The following PCDHGC3 variants were observed in gnomAD, a reference collection of about 807,000 sequenced individuals.
The protein encoded by PCDHGC3 is protocadherin gamma subfamily C, 3.
PCDHGC3 carries 26 observed loss-of-function variants against 59.2 expected under a neutral mutation model. That is an observed-to-expected ratio of 0.44 (90% CI 0.32 to 0.61). The LOEUF (loss-of-function observed/expected upper bound fraction) is 0.61, where lower values mean the gene tolerates loss of function less well. PCDHGC3 is among the 20% of genes least tolerant of loss of function. The probability of loss-of-function intolerance (pLI) is 0.05; values close to 1 mark genes in which losing one functional copy is unlikely to be tolerated. For synonymous variants in PCDHGC3, 487 were observed against 519.7 expected (o/e 0.94, Z 0.86); for missense variants, 1,080 against 1,221.8 (o/e 0.88, Z 1.73).
chr5:141,499,402 A>G (rs2099791723), intron 2 of PCDHGC3, among the ~76,000 whole-genome samples: 2 of 152,212 alleles, frequency 1.3e-5, no homozygotes, highest in South Asian at 4.1e-4. Context: ...GTACATGCTC[A>G]TTATAGAAAC....
rs760878091 is a variant in PCDHGC3 at position 141,476,406 on chromosome 5, T to A, written c.290T>A (p.Leu97Gln). The A allele has an allele frequency of 6.2e-7, 1 of 1,614,054 alleles. No individual in the cohort carries two copies. The highest frequency in any genetic ancestry group is 8.5e-7 in the Non-Finnish European group (1 of 1,180,002). Residue 97 changes from leucine (L) to glutamine (Q), a missense_variant, in exon 1 of 4, where the codon CTG becomes CAG. By Grantham distance (113) the Leu-to-Gln change is moderately radical (BLOSUM62 -2). Transcript: ENST00000308177. The surrounding 1 kb of genome is among the most constrained non-coding windows in gnomAD (Gnocchi z 7.6). Reference sequence around the variant, plus strand: ...AACGACCGTCTGGATCGAGAGGAGCTGTGTGGGACACTGCCCTCTTGCACT... The same window carrying A: ...AACGACCGTCTGGATCGAGAGGAGCAGTGTGGGACACTGCCCTCTTGCACT... ...FVNDRLDREE[L>Q]CGTLPSCTVT...
At position 141,476,513 on chromosome 5, in the gene PCDHGC3, C is replaced by T; in HGVS notation, c.397C>T (p.Pro133Ser). 1 of 1,614,196 alleles carries T rather than the reference C, an allele frequency of 6.2e-7. No individual in the cohort carries two copies. Among genetic ancestry groups the T allele is most frequent in the Non-Finnish European group, 8.5e-7 (1 of 1,180,034 alleles). Residue 133 changes from proline to serine, a missense_variant, in exon 1 of 4, where the codon CCT becomes TCT. Coordinates refer to ENST00000308177, the MANE Select transcript of PCDHGC3 (RefSeq NM_002588.4). The surrounding 1 kb of genome is among the most constrained non-coding windows in gnomAD (Gnocchi z 7.6). ...GATCCAGGACATCAACGACAACAAT[C>T]CTGCTTTCCCTACCCAGGAAATGAA... ...VVIQDINDNN[P>S]AFPTQEMKLE...
chr5:141,506,435 G>T (rs1470687416), intron 3 of PCDHGC3, among the ~76,000 whole-genome samples: 1 of 126,234 alleles, frequency 7.9e-6, no homozygotes, highest in Non-Finnish European at 1.6e-5. Context: ...CAACAGTCTC[G>T]CTCTGTCTCA....
At position 141,489,077 on chromosome 5, in the gene PCDHGC3, C is replaced by T. The variant is rs957205894; in HGVS notation, c.2431-5730C>T. 7 of 325,682 alleles carry T rather than the reference C, an allele frequency of 2.1e-5. 1 individual carries two copies. Among genetic ancestry groups the T allele is most frequent in the South Asian group, 1.5e-4 (3 of 20,214 alleles). 20.2% of individuals were successfully genotyped at this position (325,682 alleles called of 1,614,324 possible). The stretch of plus-strand genomic sequence containing the variant: ...AGCTCCCCTCCCCCCTGCCCACCCC[C>T]GCCACTCGGTGACTAAGAACTGCTG... On this transcript the variant is annotated intron_variant, in intron 1 of 3. Transcript: ENST00000308177. This position sits in a 1 kb window ranked among gnomAD's most constrained non-coding sequence, Gnocchi z 4.5.
chr5:141,511,049 G>A lies in PCDHGC3; in HGVS notation c.2681G>A (p.Arg894His), dbSNP rs61749029. 408 of 1,614,098 alleles carry A rather than the reference G, an allele frequency of 2.5e-4. No individual in the cohort carries two copies. Among genetic ancestry groups the A allele is most frequent in the South Asian group, 7.2e-4 (66 of 91,094 alleles). Residue 894 changes from arginine (R) to histidine (H), a missense_variant, in exon 4 of 4, where the codon CGC becomes CAC. Transcript: ENST00000308177. ...QFTLQHVPDY[R>H]QNVYIPGSNA... ...ACCCTGCAGCACGTGCCCGACTACC[G>A]CCAGAATGTCTACATCCCAGGCAGC...
Position 141,486,335 on chromosome 5 carries a change from C to T in PCDHGC3, c.2430+7789C>T, listed in dbSNP as rs762408704. ...AGGGTCAAACGGAGATGTGAGCCTC[C>T]GCATTCCTGACCACTTGCCATTTGC... On this transcript the variant is annotated intron_variant, in intron 1 of 3. Transcript: ENST00000308177. The surrounding 1 kb of genome is among the most constrained non-coding windows in gnomAD (Gnocchi z 5.0). 6.2e-6 allele frequency: 10 copies of T among 1,613,936 alleles called. No individual in the cohort carries two copies. Among genetic ancestry groups the T allele is most frequent in the Middle Eastern group, 1.6e-4 (1 of 6,082 alleles).
rs781550738 is a variant in PCDHGC3 at position 141,487,383 on chromosome 5, C to A, written c.2431-7424C>A. On this transcript the variant is annotated intron_variant, in intron 1 of 3. Transcript: ENST00000308177. This position sits in a 1 kb window ranked among gnomAD's most constrained non-coding sequence, Gnocchi z 5.0. Reference sequence around the variant, plus strand: ...GGCACCTGTGCCTGTCTCACCAGATCTCGAAGGAGGGAGGGGCTTCCCCCT... The same window carrying A: ...GGCACCTGTGCCTGTCTCACCAGATATCGAAGGAGGGAGGGGCTTCCCCCT... The A allele has an allele frequency of 3.7e-6, 6 of 1,614,196 alleles. No individual in the cohort carries two copies. The South Asian group carries it at 6.6e-5, about 18-fold the overall frequency.
chr5:141,498,294 G>A (rs2099782964), intron 2 of PCDHGC3, among the ~76,000 whole-genome samples: 1 of 151,910 alleles, frequency 6.6e-6, no homozygotes, highest in African/African-American at 2.4e-5. Flanking sequence ...GATCAAGCCA[G>A]CTCTGGGTCA....
rs762574320 is a variant in PCDHGC3, at chr5:141,485,926, G to A, written c.2430+7380G>A. The A allele has an allele frequency of 2.0e-5, 32 of 1,614,090 alleles. No individual in the cohort carries two copies. Among genetic ancestry groups the A allele is most frequent in the Admixed American group, 1.2e-4 (7 of 60,006 alleles). ...AGCAATCCAGCTACAGGATTAGTGT[G>A]TTGGAGAGCGCACCAGCGGGCATGG... On this transcript the variant is annotated intron_variant, in intron 1 of 3. Transcript: ENST00000308177. The surrounding 1 kb of genome is among the most constrained non-coding windows in gnomAD (Gnocchi z 5.7).
At position 141,493,887 on chromosome 5, in the gene PCDHGC3, G is replaced by C. The variant is rs760575047; in HGVS notation, c.2431-920G>C. On this transcript the variant is annotated intron_variant, in intron 1 of 3. Transcript: ENST00000308177. This position sits in a 1 kb window ranked among gnomAD's most constrained non-coding sequence, Gnocchi z 4.3. Reference sequence around the variant, plus strand: ...AGAACCAGTGAGGAGGTGGCTCTAGGAGTGCTCCATGAGAGTGTGTGATGG... The same window carrying C: ...AGAACCAGTGAGGAGGTGGCTCTAGCAGTGCTCCATGAGAGTGTGTGATGG... Among the ~76,000 whole-genome samples, 11 of 152,184 alleles carry C rather than the reference G, an allele frequency of 7.2e-5. No homozygotes were observed. Among genetic ancestry groups the C allele is most frequent in the Non-Finnish European group, 1.2e-4 (8 of 68,026 alleles).
chr5:141,486,091 G>A lies in PCDHGC3; in HGVS notation c.2430+7545G>A, dbSNP rs2099624256. On this transcript the variant is annotated intron_variant, in intron 1 of 3. Coordinates refer to ENST00000308177, the MANE Select transcript of PCDHGC3 (RefSeq NM_002588.4). This position sits in a 1 kb window ranked among gnomAD's most constrained non-coding sequence, Gnocchi z 5.0. ...CTACTGGAAAGCTTACTCTTTTGGGGCCCCTAGACTTTGAGAGTGAGAATT... is the reference window on the plus strand; with the variant it reads ...CTACTGGAAAGCTTACTCTTTTGGGACCCCTAGACTTTGAGAGTGAGAATT... 2 of 1,614,158 alleles carry A rather than the reference G, an allele frequency of 1.2e-6. No homozygotes were observed. Among genetic ancestry groups the A allele is most frequent in the Non-Finnish European group, 1.7e-6 (2 of 1,180,024 alleles).
chr5:141,506,415 C>T lies in PCDHGC3; in HGVS notation c.2578+934C>T, dbSNP rs2099853185. 2.0e-5 allele frequency among the ~76,000 whole-genome samples: 3 copies of T among 148,290 alleles called. No homozygotes were observed. The South Asian group carries it at 6.4e-4, about 32-fold the overall frequency. On this transcript the variant is annotated intron_variant, in intron 3 of 3. Coordinates refer to ENST00000308177, the MANE Select transcript of PCDHGC3 (RefSeq NM_002588.4). ...GAGCAGAAAATCGCACCACTGCACT[C>T]CAGCCTGGGCAACAGTCTCGCTCTG...
At chr5:141,499,189 C>T (rs1406015145) in intron 2 of PCDHGC3, among the ~76,000 whole-genome samples, 3 of 152,088 alleles carry the variant, frequency 2.0e-5, no homozygotes, top group African/African-American at 7.2e-5. Flanking sequence ...AAACCATTTC[C>T]CCCTTCTTAG....
chr5:141,494,446 G>C (rs1046119515), intron 1 of PCDHGC3, among the ~76,000 whole-genome samples: 2 of 152,172 alleles, frequency 1.3e-5, no homozygotes, highest in African/African-American at 4.8e-5. Context: ...TGCCACTTTA[G>C]GGGGCTTTGT....
At chr5:141,498,264 C>A (rs1272117057) in intron 2 of PCDHGC3, among the ~76,000 whole-genome samples, 2 of 152,016 alleles carry the variant, frequency 1.3e-5, no homozygotes, top group Admixed American at 1.3e-4. Context: ...GTGTTGAGTT[C>A]TTCAGTAAAC....
In PCDHGC3 at chr5:141,489,129, T is replaced by G; in HGVS notation, c.2431-5678T>G. On this transcript the variant is annotated intron_variant, in intron 1 of 3. Coordinates refer to ENST00000308177, the MANE Select transcript of PCDHGC3 (RefSeq NM_002588.4). This position sits in a 1 kb window ranked among gnomAD's most constrained non-coding sequence, Gnocchi z 4.5. ...AAGCAGGCAAACCTCCGAGCAGTTT[T>G]TAAGAGGCTGGAAGGAGACATAAGA... 1 of 761,976 alleles carries G rather than the reference T, an allele frequency of 1.3e-6. No homozygotes were observed. The highest frequency in any genetic ancestry group is 2.0e-6 in the Non-Finnish European group (1 of 490,014). The allele number at this position is 761,976 out of a possible 1,614,324, so 47.2% of individuals were successfully genotyped here.
chr5:141,487,442 G>A lies in PCDHGC3; in HGVS notation c.2431-7365G>A, dbSNP rs749842864. 1 of 1,613,918 alleles carries A rather than the reference G, an allele frequency of 6.2e-7. No homozygotes were observed. Among genetic ancestry groups the A allele is most frequent in the Non-Finnish European group, 8.5e-7 (1 of 1,179,798 alleles). On this transcript the variant is annotated intron_variant, in intron 1 of 3. Coordinates refer to ENST00000308177, the MANE Select transcript of PCDHGC3 (RefSeq NM_002588.4). The surrounding 1 kb of genome is among the most constrained non-coding windows in gnomAD (Gnocchi z 5.0). ...GATCCTCCGAATCCAGCTAGGGTCA[G>A]ATGACCCTATCAAGTTTGTTGATGT...
intron 1 of PCDHGC3, chr5:141,479,691 C>T (rs2099503603): frequency 6.6e-6 from 1 of 152,206 alleles, no homozygotes; most frequent in Non-Finnish European, 1.5e-5. Context: ...TTTGGTGCCT[C>T]CAGTGTTAGT....
chr5:141,490,604 A>T lies in PCDHGC3; in HGVS notation c.2431-4203A>T, dbSNP rs749528675. ...GTCAATGACAATGCACCCCGCTTCA[A>T]CCAGCAGCTTTACACTGCTTACATC... On this transcript the variant is annotated intron_variant, in intron 1 of 3. Transcript: ENST00000308177. The surrounding 1 kb of genome is among the most constrained non-coding windows in gnomAD (Gnocchi z 5.4). 6.2e-7 allele frequency: 1 copy of T among 1,614,192 alleles called. No homozygotes were observed. The highest frequency in any genetic ancestry group is 8.5e-7 in the Non-Finnish European group (1 of 1,180,022).
Sources: gnomAD v4.1 joint callset for allele counts (sites outside exome capture counted in the v4.1 genomes callset) on GRCh38, gnomAD v4.1.1 for gene constraint, Gnocchi (gnomAD v3.1) non-coding constraint, MANE v1.5 for transcripts, NCBI Gene and HGNC (gene_info 2026-07-23, HGNC 2026-07-21) for gene names.